ATP8B2: variants seen among roughly 807,000 people sequenced by gnomAD.
ATP8B2 encodes ATPase phospholipid transporting 8B2.
Under a neutral mutation model 133.4 loss-of-function variants are expected in ATP8B2, and 70 were observed. The ratio of observed to expected loss-of-function variants is 0.52; its 90% confidence interval spans 0.43 to 0.64. The LOEUF is 0.64. Among genes scored for constraint, ATP8B2 ranks in the 30% least tolerant of loss-of-function variants. ATP8B2 has a pLI of 0.00. For synonymous variants in ATP8B2, 517 were observed against 589.5 expected, an observed-to-expected ratio of 0.88 and a Z score of 1.78; for missense variants, 1,101 against 1,535.7, an observed-to-expected ratio of 0.72 and a Z score of 4.73.
rs757254142 is a variant in ATP8B2 at position 154,344,830 on chromosome 1, C to T, written c.2286+45C>T. 8 of 1,565,908 alleles carry T rather than the reference C, an allele frequency of 5.1e-6. No homozygotes were observed. The East Asian group carries it at 1.8e-4, about 35-fold the overall frequency. ...GCTTGGGCAGTATCTTTCCAGTGAG[C>T]ACTTCTGTCCAGGGCTTTTATATCT... On this transcript the variant is annotated intron_variant, in intron 21 of 27. Transcript: ENST00000368489. The surrounding 1 kb of genome is among the most constrained non-coding windows in gnomAD (Gnocchi z 4.1).
At chr1:154,326,626 C>T (rs1347992394) in intron 1 of ATP8B2, among the ~76,000 whole-genome samples, 1 of 152,202 alleles carries the variant, frequency 6.6e-6, no homozygotes, top group African/African-American at 2.4e-5. Flanking sequence ...TGGGGCCAAG[C>T]CTGCTTCCAG....
rs1418828337 is a variant in ATP8B2 at position 154,343,416 on chromosome 1, A to G, written c.1643-37A>G. ...ATGTTGGGGGTCTTTGCCTGTCTGA[A>G]TTTTTCTGGCACTTTCTTCACCTGC... On this transcript the variant is annotated intron_variant, in intron 16 of 27. Coordinates refer to ENST00000368489, the MANE Select transcript of ATP8B2 (RefSeq NM_001370597.1). The surrounding 1 kb of genome is among the most constrained non-coding windows in gnomAD (Gnocchi z 5.8). The G allele has an allele frequency of 6.2e-7, 1 of 1,610,958 alleles. No homozygotes were observed. Among genetic ancestry groups the G allele is most frequent in the African/African-American group, 1.3e-5 (1 of 74,742 alleles).
chr1:154,336,632 TG>T (rs1205677274), intron 11 of ATP8B2, among the ~76,000 whole-genome samples: 1 of 150,674 alleles, frequency 6.6e-6, no homozygotes, highest in Non-Finnish European at 1.5e-5. Context: ...GGATTACAGG[TG>T]CCCGCCACCA....
chr1:154,345,349 G>C lies in ATP8B2; in HGVS notation c.2498G>C (p.Gly833Ala). Reference protein sequence around the residue: ...KTAHIGVGISGQEGIQAVLAS... With the variant: ...KTAHIGVGISAQEGIQAVLAS... ...GCTCACATTGGTGTGGGGATCAGTG[G>C]GCAGGAAGGGATCCAGGCTGTCTTG... The change falls in exon 23 of 28, where the codon GGG becomes GCG. Residue 833 changes from glycine (G) to alanine (A), a missense_variant. Transcript: ENST00000368489. This position sits in a 1 kb window ranked among gnomAD's most constrained non-coding sequence, Gnocchi z 5.6. The C allele has an allele frequency of 6.2e-7, 1 of 1,614,090 alleles. No homozygotes were observed.
chr1:154,338,478 G>A (rs1265136806), intron 12 of ATP8B2, among the ~76,000 whole-genome samples: 1 of 152,178 alleles, frequency 6.6e-6, no homozygotes, highest in Non-Finnish European at 1.5e-5. Context: ...TGGCCAACAT[G>A]TTGAAACCCC....
Position 154,328,231 on chromosome 1 carries a change from T to A in ATP8B2, c.31+59T>A. Reference sequence around the variant, plus strand: ...CATCAAGAGTGGGTGTTGTTATGGCTCAGGGAGCAAAAGGAAAAGGGACAA... The same window carrying A: ...CATCAAGAGTGGGTGTTGTTATGGCACAGGGAGCAAAAGGAAAAGGGACAA... On this transcript the variant is annotated intron_variant, in intron 2 of 27. Transcript: ENST00000368489. This position sits in a 1 kb window ranked among gnomAD's most constrained non-coding sequence, Gnocchi z 4.6. 1 of 1,539,026 alleles carries A rather than the reference T, an allele frequency of 6.5e-7. No individual in the cohort carries two copies. The highest frequency in any genetic ancestry group is 9.0e-7 in the Non-Finnish European group (1 of 1,112,954).
At chr1:154,337,719 G>C in intron 12 of ATP8B2, 175 bp downstream of exon 12, 2 of 1,545,968 alleles carry the variant, frequency 1.3e-6, no homozygotes, top group Non-Finnish European at 1.7e-6. Context: ...TTTTACCACA[G>C]TTTCCTGGTA....
intron 12 of ATP8B2, among the ~76,000 whole-genome samples, chr1:154,338,584 C>T (rs1442505028): frequency 2.6e-5 from 4 of 152,144 alleles, no homozygotes; most frequent in African/African-American, 9.6e-5. Flanking sequence ...CGCTTGAAAC[C>T]GGAAGGTGGA....
At chr1:154,327,704 T>C in intron 1 of ATP8B2, 7 of 1,261,400 alleles carry the variant, frequency 5.5e-6, no homozygotes, top group Non-Finnish European at 8.1e-6. Context: ...CTGGCTCATG[T>C]TCCCTCCACC....
In ATP8B2 at chr1:154,343,156, G is replaced by A. The variant is rs147953128; in HGVS notation, c.1497G>A (p.Leu499=). 5.6e-6 allele frequency: 9 copies of A among 1,614,104 alleles called. No individual in the cohort carries two copies. The African/African-American group carries it at 1.1e-4, about 19-fold the overall frequency. Reference sequence around the variant, plus strand: ...CTCAGTCCCCAGATGAGGGGGCCCTGGTCACCGCAGCCAGGAACTTTGGTT... The same window carrying A: ...CTCAGTCCCCAGATGAGGGGGCCCTAGTCACCGCAGCCAGGAACTTTGGTT... ...YKAQSPDEGA[L]VTAARNFGFV... is the part of the protein sequence containing the mutation. The change falls in exon 16 of 28, where the codon CTG becomes CTA. Residue 499 remains leucine, a synonymous_variant. Transcript: ENST00000368489. The surrounding 1 kb of genome is among the most constrained non-coding windows in gnomAD (Gnocchi z 5.8).
In ATP8B2 at chr1:154,331,399, C is replaced by T. The variant is rs752430553; in HGVS notation, c.304-45C>T. 4.0e-5 allele frequency: 64 copies of T among 1,593,464 alleles called. No homozygotes were observed. In the Admixed American group the frequency reaches 7.7e-4, roughly 19 times the overall value. On this transcript the variant is annotated intron_variant, in intron 5 of 27. Coordinates refer to ENST00000368489, the MANE Select transcript of ATP8B2 (RefSeq NM_001370597.1). The surrounding 1 kb of genome is among the most constrained non-coding windows in gnomAD (Gnocchi z 4.8). ...AGTTCTACTGATCAACGAATTCCTTCGAGGCGGGGGAAGGTGTCTTACCTT... is the reference window on the plus strand; with the variant it reads ...AGTTCTACTGATCAACGAATTCCTTTGAGGCGGGGGAAGGTGTCTTACCTT...
At chr1:154,336,334 C>T (rs959582455) in intron 11 of ATP8B2, among the ~76,000 whole-genome samples, 6 of 151,966 alleles carry the variant, frequency 3.9e-5, no homozygotes, top group Non-Finnish European at 8.8e-5. Flanking sequence ...CAGTTCTGAG[C>T]TTTTTCCACT....
Position 154,344,566 on chromosome 1 carries a change from G to C in ATP8B2, c.2141+66G>C, listed in dbSNP as rs1570869397. ...CCCAGGGCTCAGGTGGGGGTTTCTG[G>C]ACCATTTAGACTTGAATCCCTGCTC... On this transcript the variant is annotated intron_variant, in intron 20 of 27. Transcript: ENST00000368489. The surrounding 1 kb of genome is among the most constrained non-coding windows in gnomAD (Gnocchi z 4.1). The C allele has an allele frequency of 2.5e-6, 4 of 1,612,206 alleles. No homozygotes were observed. In the East Asian group the frequency reaches 8.9e-5, roughly 36 times the overall value.
At position 154,332,043 on chromosome 1, in the gene ATP8B2, G is replaced by GTCAGCCC. The variant is rs752985086; in HGVS notation, c.509+22_509+28dup. On this transcript the variant is annotated intron_variant, in intron 8 of 27. Coordinates refer to ENST00000368489, the MANE Select transcript of ATP8B2 (RefSeq NM_001370597.1). ...TTGATGGGTAAGTGGCATGCTCAGT[G>GTCAGCCC]TCAGCCCTCTCCTTCTGTCTCTTTG... is the stretch of plus-strand genomic sequence containing the variant. The GTCAGCCC allele has an allele frequency of 6.2e-7, 1 of 1,605,108 alleles. No homozygotes were observed. The highest frequency in any genetic ancestry group is 1.7e-5 in the Admixed American group (1 of 60,014).
Position 154,328,580 on chromosome 1 carries a change from C to T in ATP8B2, c.31+408C>T, listed in dbSNP as rs1685870190. Among the ~76,000 whole-genome samples, 1 of 152,156 alleles carries T rather than the reference C, an allele frequency of 6.6e-6. No individual in the cohort carries two copies. The highest frequency in any genetic ancestry group is 2.4e-5 in the African/African-American group (1 of 41,440). ...TGAAAGCGGTTGCCCCCGACAACGC[C>T]GGCAGTCCGCTCACCCGCATTGGCC... On this transcript the variant is annotated intron_variant, in intron 2 of 27. Coordinates refer to ENST00000368489, the MANE Select transcript of ATP8B2 (RefSeq NM_001370597.1). This position sits in a 1 kb window ranked among gnomAD's most constrained non-coding sequence, Gnocchi z 4.6.
chr1:154,337,900 C>T (rs571361411), intron 12 of ATP8B2: 5 of 657,536 alleles, frequency 7.6e-6, no homozygotes, highest in Non-Finnish European at 1.2e-5. Context: ...AAAATCTAAA[C>T]ACATTATAAA....
intron 8 of ATP8B2, 125 bp from the exon 9 acceptor site, chr1:154,332,493 G>C: frequency 1.4e-6 from 1 of 736,952 alleles, no homozygotes; most frequent in Non-Finnish European, 2.3e-6. Context: ...AGGAGTTCGA[G>C]GCTTTAGTGA....
At chr1:154,337,327 G>A in intron 11 of ATP8B2, 21 bp from the exon 12 acceptor site, 1 of 1,604,180 alleles carries the variant, frequency 6.2e-7, no homozygotes, top group Non-Finnish European at 8.5e-7. Context: ...AGCCTCGCCT[G>A]TGCTTCTCAT....
Position 154,337,465 on chromosome 1 carries a change from G to A in ATP8B2, c.955G>A (p.Ala319Thr). Residue 319 changes from alanine to threonine, a missense_variant, in exon 12 of 28, where the codon GCC (alanine) becomes ACC (threonine). Ala to Thr is a moderately conservative substitution (Grantham distance 58, BLOSUM62 0). Coordinates refer to ENST00000368489, the MANE Select transcript of ATP8B2 (RefSeq NM_001370597.1). ...GCCGTGGGATGAGGCAGTGGACAGT[G>A]CCTTCTTCTCTGGCTTCCTCTCCTT... ...YLPWDEAVDS[A>T]FFSGFLSFWS... 1.2e-6 allele frequency: 2 copies of A among 1,614,184 alleles called. No homozygotes were observed. Among genetic ancestry groups the A allele is most frequent in the Non-Finnish European group, 1.7e-6 (2 of 1,180,042 alleles).
Sources: gnomAD v4.1 joint callset for allele counts (sites outside exome capture counted in the v4.1 genomes callset) on GRCh38, gnomAD v4.1.1 for gene constraint, Gnocchi (gnomAD v3.1) non-coding constraint, MANE v1.5 for transcripts, NCBI Gene and HGNC (gene_info 2026-07-23, HGNC 2026-07-21) for gene names.